KLRB1: variants seen among roughly 807,000 people sequenced by gnomAD.
The protein encoded by KLRB1 is killer cell lectin-like receptor subfamily B member 1.
KLRB1 carries 27 observed loss-of-function variants against 33.5 expected under a neutral mutation model. The ratio of observed to expected loss-of-function variants is 0.81; its 90% CI spans 0.59 to 1.11. The LOEUF is 1.11. KLRB1 is among the 50% of genes most tolerant of loss of function. The probability of loss-of-function intolerance (pLI) is 0.00; values close to 1 mark genes in which losing one functional copy is unlikely to be tolerated. For synonymous variants in KLRB1, 64 were observed against 88.9 expected, an observed-to-expected ratio of 0.72 and a Z score of 1.58; for missense variants, 241 against 254.1, an observed-to-expected ratio of 0.95 and a Z score of 0.35.
chr12:9,599,767 CTGT>C lies in KLRB1; in HGVS notation c.256_258del (p.Thr86del). The C allele has an allele frequency of 3.2e-6, 5 of 1,584,024 alleles. No homozygotes were observed. The South Asian group carries it at 4.4e-5, about 14-fold the overall frequency. ...TAGGAAATTGAAGCCACACAATTACCTGTTGTTTTATTCCTGCTCTGTTGAATG... is the reference window on the plus strand; with the variant it reads ...TAGGAAATTGAAGCCACACAATTACCTGTTTTATTCCTGCTCTGTTGAATG... On this transcript the variant is annotated inframe_deletion and splice_region_variant, in exon 3 of 6. Coordinates refer to ENST00000229402, the MANE Select transcript of KLRB1 (RefSeq NM_002258.3).
intron 5 of KLRB1, 127 bp from the exon 6 acceptor site, chr12:9,595,548 CG>C: frequency 1.2e-6 from 1 of 819,634 alleles, no homozygotes; most frequent in Non-Finnish European, 2.0e-6. Context: ...AGAAGGCACA[CG>C]GTCACAAATA....
intron 2 of KLRB1, among the ~76,000 whole-genome samples, chr12:9,600,882 C>T (rs975798976): frequency 2.0e-5 from 3 of 151,856 alleles, no homozygotes; most frequent in Non-Finnish European, 2.9e-5. Flanking sequence ...GCCCGACACC[C>T]GTAAAGGTTC....
intron 1 of KLRB1, among the ~76,000 whole-genome samples, chr12:9,607,335 C>CCTTTCTTTCTTTCTTCCTTT (rs1565444534): frequency 5.5e-4 from 36 of 65,262 alleles, no homozygotes; most frequent in Admixed American, 7.4e-4. Context: ...CTCTTTCTTT[C>CCTTTCTTTCTTTCTTCCTTT]CTTTCTTTCT....
intron 1 of KLRB1, among the ~76,000 whole-genome samples, chr12:9,605,007 G>A (rs1158916840): frequency 1.3e-5 from 2 of 152,094 alleles, no homozygotes; most frequent in African/African-American, 4.8e-5. Context: ...CCCCACAACA[G>A]GCCCTGGTGT....
intron 2 of KLRB1, among the ~76,000 whole-genome samples, 153 bp from the exon 3 acceptor site, chr12:9,599,994 AAAG>A (rs918441206): frequency 3.5e-5 from 5 of 143,304 alleles, no homozygotes; most frequent in Admixed American, 2.9e-4. Context: ...AAAAAAAAAA[AAAG>A]ATCTCACCTA....
chr12:9,607,351 T>TCTTC (rs1451511157), intron 1 of KLRB1, among the ~76,000 whole-genome samples: 12 of 82,078 alleles, frequency 1.5e-4, no homozygotes, highest in Non-Finnish European at 1.8e-4. Context: ...TTTCTTTCTT[T>TCTTC]CTTCCTTTCT....
chr12:9,597,386 T>C (rs145269353), intron 5 of KLRB1, among the ~76,000 whole-genome samples: 4 of 149,266 alleles, frequency 2.7e-5, no homozygotes, highest in African/African-American at 9.8e-5. Flanking sequence ...AAATTATCCA[T>C]GAATTCTGCT....
At chr12:9,607,335 C>CCTTCCTTCCTTCCTTTCTTTCTTT in intron 1 of KLRB1, among the ~76,000 whole-genome samples, 1 of 65,270 alleles carries the variant, frequency 1.5e-5, no homozygotes, top group African/African-American at 4.2e-5. Flanking sequence ...CTCTTTCTTT[C>CCTTCCTTCCTTCCTTTCTTTCTTT]CTTTCTTTCT....
intron 1 of KLRB1, among the ~76,000 whole-genome samples, chr12:9,603,427 A>ATTT (rs1471504424): frequency 6.6e-6 from 1 of 151,220 alleles, no homozygotes; most frequent in East Asian, 1.9e-4. Context: ...ACTTAATTCT[A>ATTT]TTTATTTATT....
Position 9,598,174 on chromosome 12 carries a change from C to T in KLRB1, c.415-13G>A, listed in dbSNP as rs1864508649. ...TCTGTGTGTGTATCTATAAATGGAA[C>T]AGAAAAATATTGAATCTGCTTATCT... On this transcript the variant is annotated splice_polypyrimidine_tract_variant and intron_variant, in intron 4 of 5. Coordinates refer to ENST00000229402, the MANE Select transcript of KLRB1 (RefSeq NM_002258.3). The T allele has an allele frequency of 6.6e-7, 1 of 1,509,442 alleles. No individual in the cohort carries two copies. The highest frequency in any genetic ancestry group is 9.2e-7 in the Non-Finnish European group (1 of 1,087,188). The allele number at this position is 1,509,442 out of a possible 1,614,324, so 93.5% of individuals were successfully genotyped here.
chr12:9,599,935 A>C (rs1864523374), intron 2 of KLRB1, 94 bp from the exon 3 acceptor site: 1 of 730,972 alleles, frequency 1.4e-6, no homozygotes, highest in Non-Finnish European at 2.4e-6. Context: ...AGATAATCTC[A>C]ACACGCTTGA....
chr12:9,599,926 G>T, intron 2 of KLRB1, 85 bp from the exon 3 acceptor site: 1 of 756,674 alleles, frequency 1.3e-6, no homozygotes, highest in Non-Finnish European at 2.3e-6. Flanking sequence ...TAGGAAACTA[G>T]ATAATCTCAA....
chr12:9,594,785 A>T lies in KLRB1; in HGVS notation c.*489T>A, dbSNP rs1481752279. ...CGGGGGGCTGTAAAATAGGTGAAAG[A>T]TAGGTGTTTATTAAGTATCTTTATT... On this transcript the variant is annotated 3_prime_UTR_variant, in exon 6 of 6. Transcript: ENST00000229402. 6.5e-6 allele frequency: 1 copy of T among 152,682 alleles called. No homozygotes were observed. Among genetic ancestry groups the T allele is most frequent in the African/African-American group, 2.4e-5 (1 of 41,422 alleles). The allele number at this position is 152,682 out of a possible 1,614,324, so 9.5% of individuals were successfully genotyped here.
intron 1 of KLRB1, among the ~76,000 whole-genome samples, chr12:9,607,353 TTC>T (rs1565444610): frequency 0.016 from 1,400 of 89,988 alleles, 72 homozygotes; most frequent in African/African-American, 0.058. Context: ...TCTTTCTTTC[TTC>T]CTTTCTTTCT....
chr12:9,607,335 C>CTTTCTTCCTTCCTTCCTTTCTTT (rs1491505010), intron 1 of KLRB1, among the ~76,000 whole-genome samples: 8 of 65,168 alleles, frequency 1.2e-4, no homozygotes, highest in Non-Finnish European at 1.4e-4. Flanking sequence ...CTCTTTCTTT[C>CTTTCTTCCTTCCTTCCTTTCTTT]CTTTCTTTCT....
In KLRB1 at chr12:9,606,714, A is replaced by T. The variant is rs1864605845; in HGVS notation, c.85+1041T>A. Among the ~76,000 whole-genome samples the T allele has an allele frequency of 1.5e-3, 59 of 39,892 alleles. 5 individuals are homozygous for T. The East Asian group carries it at 0.028, about 19-fold the overall frequency. 26.2% of individuals were successfully genotyped at this position (39,892 alleles called of 152,430 possible). The stretch of plus-strand genomic sequence containing the variant: ...AAGTATATATATATATATAAAATAT[A>T]TAAAATATATGTATAAAAAGTATAT... On this transcript the variant is annotated intron_variant, in intron 1 of 5. Transcript: ENST00000229402.
chr12:9,603,737 A>G (rs1444302677), intron 1 of KLRB1, among the ~76,000 whole-genome samples: 1 of 151,886 alleles, frequency 6.6e-6, no homozygotes, highest in South Asian at 2.1e-4. Flanking sequence ...CACCCAGCCT[A>G]ATTCTATTAC....
chr12:9,605,135 G>A (rs1260993892), intron 1 of KLRB1, among the ~76,000 whole-genome samples: 1 of 152,130 alleles, frequency 6.6e-6, no homozygotes, highest in Non-Finnish European at 1.5e-5. Flanking sequence ...ATGGTTTCCA[G>A]CCTCATCCAT....
chr12:9,597,979 G>T, intron 5 of KLRB1, 67 bp downstream of exon 5: 1 of 738,076 alleles, frequency 1.4e-6, no homozygotes. Context: ...TCAATCTTCA[G>T]TGTTACTACC....
Sources: gnomAD v4.1 joint callset for allele counts (sites outside exome capture counted in the v4.1 genomes callset) on GRCh38, gnomAD v4.1.1 for gene constraint, MANE v1.5 for transcripts, NCBI Gene and HGNC (gene_info 2026-07-23, HGNC 2026-07-21) for gene names.